Variants in XRCC1 observed in about 807,000 individuals in gnomAD.
The protein encoded by XRCC1 is DNA repair protein XRCC1.
Under a neutral mutation model 83.3 loss-of-function variants are expected in XRCC1, and 52 were observed. The ratio of observed to expected loss-of-function variants is 0.62; its 90% CI spans 0.50 to 0.79. XRCC1 has a LOEUF of 0.79. XRCC1 is among the 30% of genes least tolerant of loss of function. The pLI, the probability that XRCC1 is intolerant of heterozygous loss-of-function variation, is 0.00. For synonymous variants in XRCC1, 281 were observed against 312.6 expected (o/e 0.90, Z 1.07); for missense variants, 793 against 823.5 (o/e 0.96, Z 0.45).
rs373825054 is a variant in XRCC1, at chr19:43,545,952, G to A, written c.1487C>T (p.Ala496Val). The A allele has an allele frequency of 3.9e-5, 63 of 1,613,680 alleles. No individual in the cohort carries two copies. The highest frequency in any genetic ancestry group is 5.0e-5 in the Non-Finnish European group (59 of 1,179,868). The stretch of plus-strand genomic sequence containing the variant: ...GGGCAGTCTGTGTTCCTTCTGCTCT[G>A]CCACCCTGGGGGTGCCAAGAGGAGT... ...GDTEDELRRV[A>V]EQKEHRLPPG... The change falls in exon 14 of 17, where the codon GCA (alanine) becomes GTA (valine). Residue 496 changes from alanine to valine, a missense_variant. Ala to Val is a moderately conservative substitution (Grantham distance 64). Coordinates refer to ENST00000262887, the MANE Select transcript of XRCC1 (RefSeq NM_006297.3).
intron 2 of XRCC1, among the ~76,000 whole-genome samples, chr19:43,561,982 C>T (rs981611192): frequency 3.1e-4 from 47 of 152,042 alleles, no homozygotes; most frequent in African/African-American, 1.1e-3. Flanking sequence ...CCCTTCTCTA[C>T]TAAAAATATA....
chr19:43,546,843 C>T (rs772416295), intron 11 of XRCC1, 41 bp downstream of exon 11: 1 of 1,608,756 alleles, frequency 6.2e-7, no homozygotes, highest in Non-Finnish European at 8.5e-7. Flanking sequence ...TCATGTCATC[C>T]TCCCACTACA....
chr19:43,551,629 C>T lies in XRCC1; in HGVS notation c.1141G>A (p.Val381Met), dbSNP rs2271980. 1.9e-5 allele frequency: 31 copies of T among 1,614,230 alleles called. No individual in the cohort carries two copies. In the East Asian group the frequency reaches 5.3e-4, roughly 28 times the overall value. Residue 381 changes from valine (V) to methionine (M), a missense_variant, in exon 10 of 17, where the codon GTG becomes ATG. By Grantham distance (21) the Val-to-Met change is conservative. Transcript: ENST00000262887. The stretch of plus-strand genomic sequence containing the variant: ...CAGTCCAGCACCCACTCCTTACGCA[C>T]GATGCGGCCTCCCAGGCCTAGGACC... ...SQVLGLGGRI[V>M]RKEWVLDCHR...
intron 2 of XRCC1, among the ~76,000 whole-genome samples, chr19:43,561,728 T>C (rs1218418089): frequency 1.3e-5 from 2 of 152,238 alleles, no homozygotes; most frequent in Non-Finnish European, 2.9e-5. Context: ...GGATCTGCCA[T>C]TCCTGTCTGA....
intron 3 of XRCC1, among the ~76,000 whole-genome samples, chr19:43,557,105 G>A (rs3213340): frequency 7.3e-5 from 11 of 151,696 alleles, no homozygotes; most frequent in African/African-American, 2.4e-4. Flanking sequence ...TCAGGAGATC[G>A]AGACCATCCT....
intron 3 of XRCC1, 137 bp from the exon 4 acceptor site, chr19:43,554,941 T>C: frequency 1.1e-6 from 1 of 923,628 alleles, no homozygotes; most frequent in Non-Finnish European, 1.6e-6. Context: ...CCTAGATGTC[T>C]CCAGACCCTT....
chr19:43,563,316 G>A (rs3213310), intron 2 of XRCC1, among the ~76,000 whole-genome samples: 2,939 of 152,252 alleles, frequency 0.019, 91 homozygotes, highest in African/African-American at 0.067. Context: ...GTGAAACCCT[G>A]TCTCTACTAA....
In XRCC1 at chr19:43,551,685, C is replaced by G. The variant is rs1467137320; in HGVS notation, c.1085G>C (p.Cys362Ser). Residue 362 changes from cysteine to serine, a missense_variant and splice_region_variant, in exon 10 of 17, where the codon TGT becomes TCT. By Grantham distance (112) the Cys-to-Ser change is moderately radical. Coordinates refer to ENST00000262887, the MANE Select transcript of XRCC1 (RefSeq NM_006297.3). Reference sequence around the variant, plus strand: ...GTACTTGGGGGTGTTGGCAAAGGCACAGCTGGTGGGGGGCAGAAGTGAAGA... The same window carrying G: ...GTACTTGGGGGTGTTGGCAAAGGCAGAGCTGGTGGGGGGCAGAAGTGAAGA... ...DWTRDSTHLI[C>S]AFANTPKYSQ... is the part of the protein sequence containing the mutation. 1 of 1,613,704 alleles carries G rather than the reference C, an allele frequency of 6.2e-7. No individual in the cohort carries two copies. Among genetic ancestry groups the G allele is most frequent in the African/African-American group, 1.3e-5 (1 of 74,872 alleles).
intron 3 of XRCC1, among the ~76,000 whole-genome samples, chr19:43,560,033 A>G (rs2146060294): frequency 6.6e-6 from 1 of 151,996 alleles, no homozygotes; most frequent in East Asian, 1.9e-4. Flanking sequence ...GTGAGCTGAG[A>G]ACACGCCACT....
intron 3 of XRCC1, among the ~76,000 whole-genome samples, chr19:43,557,098 G>C (rs2146056866): frequency 6.6e-6 from 1 of 152,040 alleles, no homozygotes; most frequent in South Asian, 2.1e-4. Flanking sequence ...CACGAGGTCA[G>C]GAGATCGAGA....
chr19:43,549,324 A>G (rs895476119), intron 10 of XRCC1, among the ~76,000 whole-genome samples: 5 of 152,060 alleles, frequency 3.3e-5, no homozygotes, highest in African/African-American at 1.2e-4. Context: ...CAGTGGCATG[A>G]TCTCGACTCA....
At position 43,554,657 on chromosome 19, in the gene XRCC1, G is replaced by T; in HGVS notation, c.403C>A (p.Pro135Thr). The T allele has an allele frequency of 6.2e-7, 1 of 1,612,192 alleles. No individual in the cohort carries two copies. The highest frequency in any genetic ancestry group is 8.5e-7 in the Non-Finnish European group (1 of 1,178,844). The part of the protein sequence containing the change: ...WDRVKIVCSQ[P>T]YSKDSPFGLS... Reference sequence around the variant, plus strand: ...CCCACCCTAGGTACCTTGCTGTAGGGCTGGCTGCAAACAATTTTGACCCGG... The same window carrying T: ...CCCACCCTAGGTACCTTGCTGTAGGTCTGGCTGCAAACAATTTTGACCCGG... Residue 135 changes from proline to threonine, a missense_variant, in exon 4 of 17, where the codon CCC becomes ACC. Pro to Thr is a conservative substitution (Grantham distance 38, BLOSUM62 -1). Coordinates refer to ENST00000262887, the MANE Select transcript of XRCC1 (RefSeq NM_006297.3).
At chr19:43,572,128 T>C (rs1453124058) in intron 2 of XRCC1, among the ~76,000 whole-genome samples, 6 of 152,166 alleles carry the variant, frequency 3.9e-5, no homozygotes, top group Non-Finnish European at 7.3e-5. Context: ...CCTCAGTCTC[T>C]CCCAGGCCAG....
At chr19:43,549,839 G>T (rs1303916533) in intron 10 of XRCC1, among the ~76,000 whole-genome samples, 1 of 152,018 alleles carries the variant, frequency 6.6e-6, no homozygotes, top group South Asian at 2.1e-4. Flanking sequence ...AAAATGCTTT[G>T]TGAATTCTTT....
chr19:43,570,473 TGCAGGG>T (rs1374181275), intron 2 of XRCC1, among the ~76,000 whole-genome samples: 3 of 152,026 alleles, frequency 2.0e-5, no homozygotes, highest in African/African-American at 7.3e-5. Context: ...GAGGAGAAAA[TGCAGGG>T]TAGTAGAAGA....
In XRCC1 at chr19:43,554,666, A is replaced by T; in HGVS notation, c.394T>A (p.Cys132Ser). ...GGTACCTTGCTGTAGGGCTGGCTGCAAACAATTTTGACCCGGTCCCAGCGC... is the reference window on the plus strand; with the variant it reads ...GGTACCTTGCTGTAGGGCTGGCTGCTAACAATTTTGACCCGGTCCCAGCGC... ...EKRWDRVKIV[C>S]SQPYSKDSPF... is the part of the protein sequence containing the mutation. Residue 132 changes from cysteine (C) to serine (S), a missense_variant, in exon 4 of 17, where the codon TGC becomes AGC. Cys to Ser is a moderately radical substitution (Grantham distance 112). Coordinates refer to ENST00000262887, the MANE Select transcript of XRCC1 (RefSeq NM_006297.3). 6.2e-7 allele frequency: 1 copy of T among 1,612,534 alleles called. No individual in the cohort carries two copies. Among genetic ancestry groups the T allele is most frequent in the Non-Finnish European group, 8.5e-7 (1 of 1,179,076 alleles).
intron 2 of XRCC1, among the ~76,000 whole-genome samples, chr19:43,570,795 A>AT (rs1420655211): frequency 6.6e-6 from 1 of 152,048 alleles, no homozygotes; most frequent in East Asian, 1.9e-4. Flanking sequence ...AAAACATAAC[A>AT]TAACAACCCA....
chr19:43,545,741 G>A, intron 14 of XRCC1, 77 bp downstream of exon 14: 2 of 1,576,540 alleles, frequency 1.3e-6, no homozygotes, highest in Non-Finnish European at 1.7e-6. Flanking sequence ...AGTGACCCCA[G>A]GGCTGGCCAG....
chr19:43,563,987 G>T (rs1972726753), intron 2 of XRCC1, among the ~76,000 whole-genome samples: 1 of 152,166 alleles, frequency 6.6e-6, no homozygotes, highest in Non-Finnish European at 1.5e-5. Context: ...CAGCTCTGCT[G>T]ATTTCCTGCT....
Sources: allele counts gnomAD v4.1 joint callset (sites outside exome capture counted in the v4.1 genomes callset), GRCh38; gene constraint gnomAD v4.1.1; transcripts MANE v1.5; gene names NCBI Gene and HGNC (gene_info 2026-07-23, HGNC 2026-07-21).